ZNHIT6: variants seen among roughly 807,000 people sequenced by gnomAD.
ZNHIT6 encodes the protein zinc finger HIT-type containing 6, also known as box C/D snoRNA protein 1.
ZNHIT6 carries 45 observed loss-of-function variants against 57.2 expected under a neutral mutation model. The observed-to-expected ratio is 0.79, with a 90% CI of 0.62 to 1.01. The LOEUF (loss-of-function observed/expected upper bound fraction) is 1.01. Among genes scored for constraint, ZNHIT6 ranks in the 50% least tolerant of loss-of-function variants. The pLI is 0.00. For missense variants in ZNHIT6, 528 were observed against 567.3 expected (o/e 0.93, Z 0.70); for synonymous variants, 188 against 190.0 (o/e 0.99, Z 0.09).
chr1:85,671,467 T>A lies in ZNHIT6; in HGVS notation c.1247+5769A>T, dbSNP rs561394883. Among the ~76,000 whole-genome samples the A allele has an allele frequency of 2.7e-4, 39 of 141,970 alleles. No individual in the cohort carries two copies. In the South Asian group the frequency reaches 3.4e-3, roughly 12 times the overall value. The allele number at this position is 141,970 out of a possible 152,430, so 93.1% of individuals were successfully genotyped here. On this transcript the variant is annotated intron_variant, in intron 8 of 9. Transcript: ENST00000370574. ...AAGACCCTGTCTCTTAAAAAAAAAA[T>A]TTTTTTTTTTCAAAATGAATTTGGT...
chr1:85,695,265 C>A (rs1003068019), intron 5 of ZNHIT6, among the ~76,000 whole-genome samples: 1 of 150,872 alleles, frequency 6.6e-6, no homozygotes, highest in East Asian at 1.9e-4. Flanking sequence ...GAGACCCTGT[C>A]TCCAAAAAAA....
intron 8 of ZNHIT6, among the ~76,000 whole-genome samples, chr1:85,675,174 A>G (rs551039194): frequency 6.6e-6 from 1 of 152,352 alleles, no homozygotes; most frequent in Non-Finnish European, 1.5e-5. Flanking sequence ...ACCACAACTC[A>G]GAAAGCTACA....
rs1454687081 is a variant in ZNHIT6, at chr1:85,650,208, CT to C, written c.*3849del. On this transcript the variant is annotated 3_prime_UTR_variant, in exon 10 of 10. Coordinates refer to ENST00000370574, the MANE Select transcript of ZNHIT6 (RefSeq NM_017953.4). ...CTTCTCCAAAATTTTACATAGCTTGCTTTATAAAAGCTTTCAGCCTTGTTAT... is the reference window on the plus strand; with the variant it reads ...CTTCTCCAAAATTTTACATAGCTTGCTTATAAAAGCTTTCAGCCTTGTTAT... The C allele has an allele frequency of 6.6e-6, 1 of 152,208 alleles. No homozygotes were observed. Among genetic ancestry groups the C allele is most frequent in the Non-Finnish European group, 1.5e-5 (1 of 68,044 alleles). The allele number at this position is 152,208 out of a possible 1,614,324, so 9.4% of individuals were successfully genotyped here. A position where few individuals can be genotyped will look rare whatever the true frequency, so the allele number is the denominator to read the frequency against.
chr1:85,664,969 C>A (rs1232043525), intron 8 of ZNHIT6, among the ~76,000 whole-genome samples: 1 of 151,776 alleles, frequency 6.6e-6, no homozygotes, highest in Non-Finnish European at 1.5e-5. Flanking sequence ...GTAGCTGGGA[C>A]TATAGGTGTA....
intron 5 of ZNHIT6, among the ~76,000 whole-genome samples, chr1:85,692,718 T>TA (rs11328038): frequency 0.011 from 1,601 of 145,308 alleles, 26 homozygotes; most frequent in African/African-American, 0.038. Flanking sequence ...GATACCATGT[T>TA]AAAAAAAAAA....
At chr1:85,657,137 A>G (rs1470642942) in intron 9 of ZNHIT6, among the ~76,000 whole-genome samples, 1 of 152,142 alleles carries the variant, frequency 6.6e-6, no homozygotes, top group Non-Finnish European at 1.5e-5. Context: ...ATCCTCTAAA[A>G]TCTTGCATTC....
chr1:85,698,554 T>G (rs1203206461), intron 5 of ZNHIT6, among the ~76,000 whole-genome samples: 1 of 152,118 alleles, frequency 6.6e-6, no homozygotes, highest in Non-Finnish European at 1.5e-5. Flanking sequence ...TCCTCAAAAG[T>G]GAAAACATGT....
intron 5 of ZNHIT6, among the ~76,000 whole-genome samples, chr1:85,695,906 T>G (rs1432665374): frequency 6.6e-6 from 1 of 152,164 alleles, no homozygotes; most frequent in Non-Finnish European, 1.5e-5. Context: ...TGTGGTGGCA[T>G]GTGCCTGTAG....
chr1:85,703,452 C>A (rs904021288), intron 4 of ZNHIT6, among the ~76,000 whole-genome samples: 3 of 152,010 alleles, frequency 2.0e-5, no homozygotes, highest in African/African-American at 4.8e-5. Context: ...AGTAGGCCAA[C>A]AGAATGGAAA....
intron 9 of ZNHIT6, 83 bp from the exon 10 acceptor site, chr1:85,654,181 T>C: frequency 8.3e-7 from 1 of 1,202,796 alleles, no homozygotes; most frequent in Non-Finnish European, 1.2e-6. Flanking sequence ...TCCCTCCTTC[T>C]GATGTACAGC....
At chr1:85,659,758 A>C (rs1661173751) in intron 8 of ZNHIT6, among the ~76,000 whole-genome samples, 1 of 152,242 alleles carries the variant, frequency 6.6e-6, no homozygotes, top group Admixed American at 6.5e-5. Flanking sequence ...TTTTCAAATC[A>C]GGAAAAATAT....
intron 5 of ZNHIT6, among the ~76,000 whole-genome samples, chr1:85,691,671 C>T (rs1008132568): frequency 6.6e-6 from 1 of 152,022 alleles, no homozygotes; most frequent in Non-Finnish European, 1.5e-5. Flanking sequence ...CCGAGGCAGG[C>T]GGATCACCTG....
At chr1:85,693,751 G>A (rs556459198) in intron 5 of ZNHIT6, among the ~76,000 whole-genome samples, 2 of 152,298 alleles carry the variant, frequency 1.3e-5, no homozygotes, top group East Asian at 3.9e-4. Context: ...GAAGTGAGAA[G>A]TCAACGGAAT....
intron 5 of ZNHIT6, among the ~76,000 whole-genome samples, chr1:85,691,019 C>G (rs1662202606): frequency 6.6e-6 from 1 of 152,146 alleles, no homozygotes; most frequent in African/African-American, 2.4e-5. Context: ...GACCGAGACT[C>G]CATCTCAAAA....
chr1:85,686,269 C>A (rs1448317178), intron 5 of ZNHIT6, among the ~76,000 whole-genome samples: 1 of 152,074 alleles, frequency 6.6e-6, no homozygotes, highest in African/African-American at 2.4e-5. Flanking sequence ...CCTTAACATT[C>A]TTTTTAAACT....
intron 8 of ZNHIT6, among the ~76,000 whole-genome samples, chr1:85,662,729 T>C (rs190238427): frequency 6.6e-6 from 1 of 152,196 alleles, no homozygotes; most frequent in Admixed American, 6.5e-5. Context: ...TTGGGATTTT[T>C]ATATATCCAC....
intron 8 of ZNHIT6, among the ~76,000 whole-genome samples, chr1:85,675,144 A>T (rs1661664926): frequency 6.6e-6 from 1 of 152,232 alleles, no homozygotes; most frequent in African/African-American, 2.4e-5. Flanking sequence ...TTGCATAGAA[A>T]GGAATCAGGA....
At chr1:85,677,548 T>C (rs915445198) in intron 7 of ZNHIT6, among the ~76,000 whole-genome samples, 1 of 152,240 alleles carries the variant, frequency 6.6e-6, no homozygotes, top group South Asian at 2.1e-4. Flanking sequence ...AATCTGGCTA[T>C]ATAATTTTAC....
chr1:85,696,005 C>T (rs890625795), intron 5 of ZNHIT6, among the ~76,000 whole-genome samples: 1 of 152,306 alleles, frequency 6.6e-6, no homozygotes, highest in Admixed American at 6.5e-5. Flanking sequence ...CACTGCACTC[C>T]AGCCTGGGTG....
Sources: gnomAD v4.1 joint callset for allele counts (sites outside exome capture counted in the v4.1 genomes callset) on GRCh38, gnomAD v4.1.1 for gene constraint, MANE v1.5 for transcripts, NCBI Gene and HGNC (gene_info 2026-07-23, HGNC 2026-07-21) for gene names.